The following CDCA8 variants were observed in gnomAD, a reference collection of about 807,000 sequenced individuals.
The protein encoded by CDCA8 is borealin.
A neutral mutation model predicts 40.0 loss-of-function variants in CDCA8; 25 were observed. The ratio of observed to expected loss-of-function variants is 0.63; its 90% confidence interval spans 0.46 to 0.87. The LOEUF (loss-of-function observed/expected upper bound fraction) is 0.87. Ranked by LOEUF, CDCA8 falls within the 40% of genes least tolerant of loss-of-function variation. The pLI is 0.00. For synonymous variants in CDCA8, 111 were observed against 126.5 expected, an observed-to-expected ratio of 0.88 and a Z score of 0.82; for missense variants, 280 against 348.4, an observed-to-expected ratio of 0.80 and a Z score of 1.56.
intron 9 of CDCA8, 44 bp downstream of exon 9, chr1:37,707,108 C>A: frequency 1.5e-6 from 2 of 1,365,870 alleles, no homozygotes; most frequent in East Asian, 2.3e-5. Context: ...CCTCCAGTAG[C>A]TTTCTTGGGC....
Position 37,692,619 on chromosome 1 carries a change from C to A in CDCA8, c.-72C>A. On this transcript the variant is annotated 5_prime_UTR_variant, in exon 1 of 10. Coordinates refer to ENST00000373055, the MANE Select transcript of CDCA8 (RefSeq NM_001256875.2). ...CTTCTTCGGGTGGTCCCCGTCCGCC[C>A]TCCTCGTCCCTACCCAGTTTCTTGC... 1.6e-6 allele frequency: 2 copies of A among 1,261,114 alleles called. No individual in the cohort carries two copies. The highest frequency in any genetic ancestry group is 2.3e-6 in the Non-Finnish European group (2 of 878,296). The allele number at this position is 1,261,114 out of a possible 1,614,324, so 78.1% of individuals were successfully genotyped here.
intron 3 of CDCA8, among the ~76,000 whole-genome samples, chr1:37,697,823 C>T (rs1057502484): frequency 4.6e-5 from 7 of 152,356 alleles, no homozygotes; most frequent in African/African-American, 1.7e-4. Context: ...GCCTGGCAAA[C>T]ATCAGTAACT....
intron 3 of CDCA8, among the ~76,000 whole-genome samples, chr1:37,698,302 A>G (rs1365596484): frequency 2.0e-5 from 3 of 152,262 alleles, no homozygotes; most frequent in Non-Finnish European, 4.4e-5. Context: ...CAAAGGATAG[A>G]GCCAAGGGGA....
intron 7 of CDCA8, among the ~76,000 whole-genome samples, chr1:37,704,232 G>A (rs1001604077): frequency 6.6e-6 from 1 of 152,210 alleles, no homozygotes; most frequent in South Asian, 2.1e-4. Context: ...ATCACACCCG[G>A]CCTCAAATCA....
intron 6 of CDCA8, 73 bp downstream of exon 6, chr1:37,701,891 G>A: frequency 1.7e-6 from 2 of 1,169,808 alleles, no homozygotes; most frequent in African/African-American, 1.5e-5. Flanking sequence ...AGAAAGTGAG[G>A]GGCAGTGAAA....
intron 7 of CDCA8, 60 bp downstream of exon 7, chr1:37,703,407 G>T (rs1009710070): frequency 1.2e-5 from 15 of 1,244,160 alleles, no homozygotes; most frequent in Admixed American, 1.7e-5. Flanking sequence ...ACTACCCAGA[G>T]AAGGAGTGTC....
chr1:37,700,762 A>G (rs959795009), intron 5 of CDCA8, among the ~76,000 whole-genome samples: 14 of 152,192 alleles, frequency 9.2e-5, no homozygotes, highest in African/African-American at 3.4e-4. Flanking sequence ...GTGAGAGTCT[A>G]CTAGCTAGAG....
chr1:37,705,821 T>C (rs1645595741), intron 8 of CDCA8, among the ~76,000 whole-genome samples: 1 of 149,236 alleles, frequency 6.7e-6, no homozygotes, highest in Admixed American at 6.6e-5. Flanking sequence ...TTTTTTTTTT[T>C]TTTTTTTGAG....
At position 37,705,488 on chromosome 1, in the gene CDCA8, T is replaced by C. The variant is rs1326715133; in HGVS notation, c.632T>C (p.Ile211Thr). 6.2e-7 allele frequency: 1 copy of C among 1,613,918 alleles called. No homozygotes were observed. The highest frequency in any genetic ancestry group is 8.5e-7 in the Non-Finnish European group (1 of 1,180,020). ...CGTACTCCAGCAGCAGGAGAGCGGA[T>C]TTACAACATCTCAGGGAATGGCAGC... ...GLRTPAAGER[I>T]YNISGNGSPL... Residue 211 changes from isoleucine (I) to threonine (T), a missense_variant, in exon 8 of 10, where the codon ATT becomes ACT. Coordinates refer to ENST00000373055, the MANE Select transcript of CDCA8 (RefSeq NM_001256875.2).
intron 7 of CDCA8, among the ~76,000 whole-genome samples, chr1:37,703,938 TTTTTA>T (rs1645581773): frequency 6.6e-6 from 1 of 152,190 alleles, no homozygotes; most frequent in South Asian, 2.1e-4. Flanking sequence ...AATCAGAAGG[TTTTTA>T]TTTTATTTTT....
At position 37,692,628 on chromosome 1, in the gene CDCA8, CCTA is replaced by C. The variant is rs2148282683; in HGVS notation, c.-61_-59del. On this transcript the variant is annotated 5_prime_UTR_variant, in exon 1 of 10. Transcript: ENST00000373055. ...GTGGTCCCCGTCCGCCCTCCTCGTC[CCTA>C]CCCAGTTTCTTGCTTCCCTGCCCCA... 1 of 1,347,014 alleles carries C rather than the reference CCTA, an allele frequency of 7.4e-7. No individual in the cohort carries two copies. The highest frequency in any genetic ancestry group is 1.1e-6 in the Non-Finnish European group (1 of 952,092). The allele number at this position is 1,347,014 out of a possible 1,614,324, so 83.4% of individuals were successfully genotyped here.
In CDCA8 at chr1:37,703,325, C is replaced by G. The variant is rs753643676; in HGVS notation, c.562C>G (p.Leu188Val). The change falls in exon 7 of 10, where the codon CTG becomes GTG. Residue 188 changes from leucine (L) to valine (V), a missense_variant. Transcript: ENST00000373055. Reference sequence around the variant, plus strand: ...GTCCATGGTCAAACCAACTCCAGGCCTGACACCCAGGTTTGACTCAAGGTG... The same window carrying G: ...GTCCATGGTCAAACCAACTCCAGGCGTGACACCCAGGTTTGACTCAAGGTG... ...EVSMVKPTPGLTPRFDSRVFK... is the reference protein window; with the variant it reads ...EVSMVKPTPGVTPRFDSRVFK... The G allele has an allele frequency of 1.2e-6, 2 of 1,613,694 alleles. No homozygotes were observed. Among genetic ancestry groups the G allele is most frequent in the Non-Finnish European group, 1.7e-6 (2 of 1,179,624 alleles).
chr1:37,699,861 A>G (rs1316478162), intron 4 of CDCA8, among the ~76,000 whole-genome samples: 1 of 152,086 alleles, frequency 6.6e-6, no homozygotes, highest in Non-Finnish European at 1.5e-5. Context: ...TGGAGCTGGC[A>G]GTGAGCTGAG....
Position 37,696,532 on chromosome 1 carries a change from T to C in CDCA8, c.264+582T>C, listed in dbSNP as rs562485945. 6.6e-6 allele frequency among the ~76,000 whole-genome samples: 1 copy of C among 152,354 alleles called. No homozygotes were observed. Among genetic ancestry groups the C allele is most frequent in the Admixed American group, 6.5e-5 (1 of 15,306 alleles). ...TACTAGCCACATTTTACATGTTCAA[T>C]ACCTACATATGACTAGTAGCTACTC... On this transcript the variant is annotated intron_variant, in intron 3 of 9. Coordinates refer to ENST00000373055, the MANE Select transcript of CDCA8 (RefSeq NM_001256875.2). This position sits in a 1 kb window ranked among gnomAD's most constrained non-coding sequence, Gnocchi z 5.0.
rs1304107958 is a variant in CDCA8, at chr1:37,709,369, G to GACTT, written c.*1004_*1007dup. On this transcript the variant is annotated 3_prime_UTR_variant, in exon 10 of 10. Coordinates refer to ENST00000373055, the MANE Select transcript of CDCA8 (RefSeq NM_001256875.2). Reference sequence around the variant, plus strand: ...CATGTGTGCCTGTGCCTGGGGCATGGACTTTGTTAAGCAGAGTCAGCAGTG... The same window carrying GACTT: ...CATGTGTGCCTGTGCCTGGGGCATGGACTTACTTTGTTAAGCAGAGTCAGCAGTG... 4 of 152,318 alleles carry GACTT rather than the reference G, an allele frequency of 2.6e-5. No individual in the cohort carries two copies. Among genetic ancestry groups the GACTT allele is most frequent in the African/African-American group, 9.6e-5 (4 of 41,556 alleles). 9.4% of individuals were successfully genotyped at this position (152,318 alleles called of 1,614,324 possible).
At chr1:37,697,060 C>A (rs780454806) in intron 3 of CDCA8, among the ~76,000 whole-genome samples, 2 of 152,234 alleles carry the variant, frequency 1.3e-5, no homozygotes, top group Non-Finnish European at 2.9e-5. Flanking sequence ...ATGAGAACTT[C>A]TAATGTAATA....
At chr1:37,705,700 G>A in intron 8 of CDCA8, 133 bp downstream of exon 8, 1 of 921,892 alleles carries the variant, frequency 1.1e-6, no homozygotes, top group Non-Finnish European at 1.6e-6. Flanking sequence ...ACTTCTGCGG[G>A]ACTCAGAACC....
At position 37,701,774 on chromosome 1, in the gene CDCA8, C is replaced by G; in HGVS notation, c.444C>G (p.Ser148=). 1 of 1,612,820 alleles carries G rather than the reference C, an allele frequency of 6.2e-7. No homozygotes were observed. Among genetic ancestry groups the G allele is most frequent in the African/African-American group, 1.3e-5 (1 of 74,744 alleles). ...TGCAGGTCAAAAGGTGTCCTCCATC[C>G]AAGAAGAGAACTCAGTCCATACAAG... is the stretch of plus-strand genomic sequence containing the variant. ...QTARVKRCPP[S]KKRTQSIQGK... Residue 148 remains serine, a synonymous_variant, in exon 6 of 10, where the codon TCC becomes TCG. Coordinates refer to ENST00000373055, the MANE Select transcript of CDCA8 (RefSeq NM_001256875.2).
intron 9 of CDCA8, 92 bp downstream of exon 9, chr1:37,707,156 T>C (rs1645607705): frequency 2.3e-6 from 2 of 879,512 alleles, no homozygotes; most frequent in Non-Finnish European, 1.9e-6. Flanking sequence ...CCTGGGCTAA[T>C]ACTTTCTACT....
Sources: allele counts gnomAD v4.1 joint callset (sites outside exome capture counted in the v4.1 genomes callset), GRCh38; gene constraint gnomAD v4.1.1; non-coding constraint Gnocchi (gnomAD v3.1); transcripts MANE v1.5; gene names NCBI Gene and HGNC (gene_info 2026-07-23, HGNC 2026-07-21).